Variants in SLAIN1 observed in about 807,000 individuals in gnomAD.
SLAIN1 encodes SLAIN motif-containing protein 1.
In SLAIN1, 17 loss-of-function variants were observed where a neutral mutation model predicts 55.4. That is an observed-to-expected ratio of 0.31 (90% CI 0.21 to 0.46). The LOEUF (loss-of-function observed/expected upper bound fraction) is 0.46. Ranked by LOEUF, SLAIN1 falls within the 20% of genes least tolerant of loss-of-function variation. SLAIN1 has a pLI of 1.00. For missense variants in SLAIN1, 682 were observed against 785.1 expected (o/e 0.87, Z 1.57); for synonymous variants, 348 against 337.4 (o/e 1.03, Z -0.35).
At position 77,744,154 on chromosome 13, in the gene SLAIN1, G is replaced by A. The variant is rs953501350; in HGVS notation, c.767-129G>A. 2.2e-5 allele frequency: 16 copies of A among 729,674 alleles called. 1 individual carries two copies. In the African/African-American group the frequency reaches 2.2e-4, roughly 10 times the overall value. 45.2% of individuals were successfully genotyped at this position (729,674 alleles called of 1,614,324 possible). A position where few individuals can be genotyped will look rare whatever the true frequency, so the allele number is the denominator to read the frequency against. ...TGATGTGCACGTTGACCATTAAATG[G>A]TGACATGTTGGTGATTTTTGTAACA... On this transcript the variant is annotated intron_variant, in intron 2 of 6. Coordinates refer to ENST00000418532, the MANE Select transcript of SLAIN1 (RefSeq NM_001242868.2).
intron 5 of SLAIN1, among the ~76,000 whole-genome samples, chr13:77,757,301 TAG>T (rs1202000682): frequency 1.3e-5 from 2 of 152,142 alleles, no homozygotes; most frequent in Non-Finnish European, 2.9e-5. Flanking sequence ...GAAAGAATCT[TAG>T]AGATGATTCG....
chr13:77,729,884 G>C (rs925512469), intron 2 of SLAIN1, among the ~76,000 whole-genome samples: 1 of 151,768 alleles, frequency 6.6e-6, no homozygotes, highest in Non-Finnish European at 1.5e-5. Context: ...GAGTCAGTGG[G>C]AGTTAAGCCA....
chr13:77,761,471 A>G (rs1394791156), intron 6 of SLAIN1, among the ~76,000 whole-genome samples: 2 of 152,124 alleles, frequency 1.3e-5, no homozygotes, highest in Non-Finnish European at 2.9e-5. Context: ...GCTCTATCCA[A>G]AAATTGTAGG....
chr13:77,737,132 A>G (rs1873159846), intron 2 of SLAIN1, among the ~76,000 whole-genome samples: 1 of 151,784 alleles, frequency 6.6e-6, no homozygotes, highest in Admixed American at 6.6e-5. Flanking sequence ...CATGCTCTCC[A>G]TGTGCGATGG....
chr13:77,731,200 T>C (rs181098570), intron 2 of SLAIN1, among the ~76,000 whole-genome samples: 1 of 152,280 alleles, frequency 6.6e-6, no homozygotes, highest in East Asian at 1.9e-4. Flanking sequence ...TTATTGAATT[T>C]CAGATTTTCC....
At chr13:77,745,984 T>G (rs1873785197) in intron 3 of SLAIN1, among the ~76,000 whole-genome samples, 1 of 152,114 alleles carries the variant, frequency 6.6e-6, no homozygotes, top group African/African-American at 2.4e-5. Flanking sequence ...GTCAGTGTGC[T>G]TTGAAAGAGA....
chr13:77,703,483 T>C (rs2091051032), intron 1 of SLAIN1, among the ~76,000 whole-genome samples: 1 of 152,162 alleles, frequency 6.6e-6, no homozygotes, highest in Admixed American at 6.6e-5. Context: ...CAATGTTTTC[T>C]AGGAGCAAAT....
chr13:77,744,145 C>CATT (rs1873649205), intron 2 of SLAIN1, 138 bp from the exon 3 acceptor site: 1 of 706,432 alleles, frequency 1.4e-6, no homozygotes, highest in Non-Finnish European at 2.6e-6. Context: ...GCACGTTGAC[C>CATT]ATTAAATGGT....
chr13:77,760,737 A>G, intron 5 of SLAIN1, 91 bp from the exon 6 acceptor site: 1 of 1,361,492 alleles, frequency 7.3e-7, no homozygotes, highest in Non-Finnish European at 1.0e-6. Flanking sequence ...TTGTACTCTC[A>G]GGCATAATGG....
chr13:77,731,653 AC>A (rs1337548605), intron 2 of SLAIN1, among the ~76,000 whole-genome samples: 1 of 152,088 alleles, frequency 6.6e-6, no homozygotes, highest in Admixed American at 6.6e-5. Flanking sequence ...TACTTTCTTT[AC>A]CTTGGTCCTG....
intron 4 of SLAIN1, among the ~76,000 whole-genome samples, chr13:77,749,726 C>T (rs1040969450): frequency 1.3e-5 from 2 of 152,158 alleles, no homozygotes; most frequent in African/African-American, 2.4e-5. Context: ...GTTATTAAAA[C>T]GTTCCACATT....
intron 1 of SLAIN1, among the ~76,000 whole-genome samples, chr13:77,718,025 G>C (rs2091224779): frequency 6.6e-6 from 1 of 151,972 alleles, no homozygotes; most frequent in Admixed American, 6.6e-5. Flanking sequence ...GTAGGACTGA[G>C]CTGGGGCCCA....
At chr13:77,702,521 T>C (rs2091041092) in intron 1 of SLAIN1, among the ~76,000 whole-genome samples, 1 of 152,144 alleles carries the variant, frequency 6.6e-6, no homozygotes, top group Admixed American at 6.6e-5. Context: ...TTCAGATTGG[T>C]CTGAAGTGGC....
chr13:77,741,545 A>T, intron 2 of SLAIN1: 1 of 530,832 alleles, frequency 1.9e-6, no homozygotes, highest in Non-Finnish European at 2.4e-6. Flanking sequence ...GTCATTGCGA[A>T]TGTGGTTTCC....
At chr13:77,758,640 A>G (rs1041532431) in intron 5 of SLAIN1, among the ~76,000 whole-genome samples, 3 of 152,096 alleles carry the variant, frequency 2.0e-5, no homozygotes, top group African/African-American at 7.2e-5. Context: ...ATTCTTCTAC[A>G]TGTGGCTTGC....
At chr13:77,761,351 C>T (rs1875006379) in intron 6 of SLAIN1, among the ~76,000 whole-genome samples, 1 of 152,176 alleles carries the variant, frequency 6.6e-6, no homozygotes, top group Non-Finnish European at 1.5e-5. Context: ...ACGCTCTTTG[C>T]TTTTGCTTTT....
chr13:77,726,153 C>T (rs1161221926), intron 2 of SLAIN1, among the ~76,000 whole-genome samples: 2 of 152,016 alleles, frequency 1.3e-5, no homozygotes, highest in African/African-American at 4.8e-5. Flanking sequence ...GAATTCTGCC[C>T]TTCTGCAGAA....
At chr13:77,748,167 C>T (rs541059653) in intron 4 of SLAIN1, among the ~76,000 whole-genome samples, 2 of 150,816 alleles carry the variant, frequency 1.3e-5, no homozygotes, top group South Asian at 4.2e-4. Flanking sequence ...ATACTGGTAT[C>T]ATTCATGCTG....
intron 2 of SLAIN1, among the ~76,000 whole-genome samples, chr13:77,733,344 A>T (rs746088244): frequency 7.2e-5 from 11 of 152,140 alleles, no homozygotes; most frequent in Non-Finnish European, 1.6e-4. Flanking sequence ...GAACTCTTGC[A>T]TTGGGTATTT....
Sources: gnomAD v4.1 joint callset for allele counts (sites outside exome capture counted in the v4.1 genomes callset) on GRCh38, gnomAD v4.1.1 for gene constraint, MANE v1.5 for transcripts, NCBI Gene and HGNC (gene_info 2026-07-23, HGNC 2026-07-21) for gene names.